MRPS35: variants seen among roughly 807,000 people sequenced by gnomAD.
MRPS35 encodes the protein small ribosomal subunit protein mS35.
Under a neutral mutation model 32.7 loss-of-function variants are expected in MRPS35, and 29 were observed. The ratio of observed to expected loss-of-function variants is 0.89; its 90% CI spans 0.66 to 1.21. MRPS35 has a LOEUF of 1.21. Ranked by LOEUF, MRPS35 falls within the 50% of genes most tolerant of loss-of-function variation. The probability of loss-of-function intolerance (pLI) is 0.00; values close to 1 mark genes in which losing one functional copy is unlikely to be tolerated. For synonymous variants in MRPS35, 148 were observed against 139.3 expected, an observed-to-expected ratio of 1.06 and a Z score of -0.44; for missense variants, 373 against 383.8, an observed-to-expected ratio of 0.97 and a Z score of 0.23.
At chr12:27,733,946 G>A (rs2061932235) in intron 5 of MRPS35, among the ~76,000 whole-genome samples, 2 of 152,150 alleles carry the variant, frequency 1.3e-5, no homozygotes. Flanking sequence ...TTTGTTGCAT[G>A]CATTTTAAGT....
chr12:27,746,653 G>A (rs759036356), intron 7 of MRPS35, among the ~76,000 whole-genome samples: 1 of 152,172 alleles, frequency 6.6e-6, no homozygotes, highest in African/African-American at 2.4e-5. Flanking sequence ...AAGGTGACAA[G>A]CTCATACCTT....
In MRPS35 at chr12:27,714,534, C is replaced by T. The variant is rs893171049; in HGVS notation, c.113-246C>T. 4.0e-5 allele frequency among the ~76,000 whole-genome samples: 6 copies of T among 148,828 alleles called. No homozygotes were observed. The Admixed American group carries it at 4.1e-4, about 10-fold the overall frequency. On this transcript the variant is annotated intron_variant, in intron 1 of 7. Coordinates refer to ENST00000081029, the MANE Select transcript of MRPS35 (RefSeq NM_021821.4). ...TCCGGAGGTAGAGGTTGCAGTGAGC[C>T]GAGATCACACCACTGCAATCCAATC...
At position 27,755,915 on chromosome 12, in the gene MRPS35, G is replaced by A. The variant is rs560362493; in HGVS notation, c.*465G>A. ...GCATTTTTCACATTTGTCAACTCTG[G>A]TTAGAAACAGGTCCTCAGGAGTATT... On this transcript the variant is annotated 3_prime_UTR_variant, in exon 8 of 8. Transcript: ENST00000081029. 6.6e-6 allele frequency: 1 copy of A among 152,666 alleles called. No individual in the cohort carries two copies. The highest frequency in any genetic ancestry group is 2.4e-5 in the African/African-American group (1 of 41,570). 9.5% of individuals were successfully genotyped at this position (152,666 alleles called of 1,614,324 possible).
At chr12:27,715,526 G>C (rs1315432236) in intron 2 of MRPS35, among the ~76,000 whole-genome samples, 1 of 152,196 alleles carries the variant, frequency 6.6e-6, no homozygotes, top group Non-Finnish European at 1.5e-5. Context: ...TACTTCTATG[G>C]AGGAATCTAA....
chr12:27,726,884 G>A (rs1448559463), intron 5 of MRPS35, among the ~76,000 whole-genome samples: 2 of 151,202 alleles, frequency 1.3e-5, no homozygotes, highest in Non-Finnish European at 2.9e-5. Flanking sequence ...ACCAGTCCCA[G>A]TCCCTTCTCA....
chr12:27,732,725 TG>T (rs2061926525), intron 5 of MRPS35, among the ~76,000 whole-genome samples: 1 of 152,176 alleles, frequency 6.6e-6, no homozygotes, highest in African/African-American at 2.4e-5. Flanking sequence ...ACTTCAAAAG[TG>T]CTTTATTCTA....
intron 2 of MRPS35, 70 bp from the exon 3 acceptor site, chr12:27,716,221 A>C: frequency 1.5e-6 from 2 of 1,371,508 alleles, no homozygotes; most frequent in Non-Finnish European, 9.6e-7. Flanking sequence ...TTTTGCTTTA[A>C]AATTAAAATT....
At chr12:27,720,476 A>G (rs2061869306) in intron 4 of MRPS35, among the ~76,000 whole-genome samples, 2 of 152,072 alleles carry the variant, frequency 1.3e-5, no homozygotes, top group East Asian at 1.9e-4. Flanking sequence ...GAGAAGAATT[A>G]TCTTGAAGAA....
Position 27,710,960 on chromosome 12 carries a change from G to C in MRPS35, c.112+5G>C. The C allele has an allele frequency of 1.2e-6, 2 of 1,611,194 alleles. No individual in the cohort carries two copies. The highest frequency in any genetic ancestry group is 1.7e-6 in the Non-Finnish European group (2 of 1,178,756). The stretch of plus-strand genomic sequence containing the variant: ...CGGTCCCGACACCTAGCCTGCGTGA[G>C]TGTCTGTCTCGTCTTCTCTGGGCTT... On this transcript the variant is annotated splice_donor_5th_base_variant and intron_variant, in intron 1 of 7. Transcript: ENST00000081029.
At chr12:27,748,124 C>T (rs893419902) in intron 7 of MRPS35, among the ~76,000 whole-genome samples, 3 of 152,208 alleles carry the variant, frequency 2.0e-5, no homozygotes, top group Non-Finnish European at 2.9e-5. Context: ...TCTCATTGGC[C>T]TTCATTCATT....
At position 27,755,387 on chromosome 12, in the gene MRPS35, G is replaced by A; in HGVS notation, c.909G>A (p.Glu303=). The A allele has an allele frequency of 1.3e-6, 2 of 1,597,916 alleles. No individual in the cohort carries two copies. Among genetic ancestry groups the A allele is most frequent in the South Asian group, 1.2e-5 (1 of 85,992 alleles). ...KKSVVSLKNE[E]ENENSISQYK... is the part of the protein sequence containing the mutation. ...CTGTTGTTAGTCTTAAAAATGAGGA[G>A]GAAAATGAAAATTCCATTTCTCAGT... Residue 303 remains glutamate (E), a synonymous_variant, in exon 8 of 8, where the codon GAG becomes GAA. Transcript: ENST00000081029.
chr12:27,755,644 G>C lies in MRPS35; in HGVS notation c.*194G>C. 1 of 406,460 alleles carries C rather than the reference G, an allele frequency of 2.5e-6. No individual in the cohort carries two copies. The highest frequency in any genetic ancestry group is 4.2e-5 in the East Asian group (1 of 23,902). The allele number at this position is 406,460 out of a possible 1,614,324, so 25.2% of individuals were successfully genotyped here. On this transcript the variant is annotated 3_prime_UTR_variant, in exon 8 of 8. Transcript: ENST00000081029. ...ATTTTTACACTGGGGCAATAGACTA[G>C]GAGGTCTCTGATTTCTTCTTGGTCT... is the stretch of plus-strand genomic sequence containing the variant.
intron 5 of MRPS35, among the ~76,000 whole-genome samples, chr12:27,725,163 C>T (rs148763655): frequency 6.6e-6 from 1 of 152,166 alleles, no homozygotes; most frequent in Non-Finnish European, 1.5e-5. Flanking sequence ...GATCTTCCCA[C>T]TTCCGCCTCC....
At chr12:27,716,134 T>C (rs2061849421) in intron 2 of MRPS35, among the ~76,000 whole-genome samples, 157 bp from the exon 3 acceptor site, 1 of 152,168 alleles carries the variant, frequency 6.6e-6, no homozygotes, top group African/African-American at 2.4e-5. Context: ...TTTTTAAAAT[T>C]TGGACAGCAG....
At chr12:27,735,656 G>T (rs2140771993) in intron 6 of MRPS35, 100 bp downstream of exon 6, 1 of 834,672 alleles carries the variant, frequency 1.2e-6, no homozygotes, top group South Asian at 1.5e-5. Flanking sequence ...GAAGATGGGG[G>T]AGGGCGTAGC....
At chr12:27,718,475 C>T (rs1417196431) in intron 3 of MRPS35, among the ~76,000 whole-genome samples, 3 of 152,168 alleles carry the variant, frequency 2.0e-5, no homozygotes, top group Non-Finnish European at 4.4e-5. Context: ...CGTGGAGTAA[C>T]TTTCGGCTTG....
intron 1 of MRPS35, among the ~76,000 whole-genome samples, chr12:27,712,005 G>A (rs933217786): frequency 4.0e-5 from 6 of 151,654 alleles, no homozygotes; most frequent in African/African-American, 1.5e-4. Context: ...AACTAAATAA[G>A]ATGTCAGATA....
rs1209953948 is a variant in MRPS35 at position 27,737,542 on chromosome 12, C to T, written c.636C>T (p.Cys212=). ...TDVLTIKTDR[C]PLRRQNYDYA... is the part of the protein sequence containing the mutation. The stretch of plus-strand genomic sequence containing the variant: ...TCTCCCGCTTTCTCTTTAATAGGTG[C>T]CCTTTAAGGAGGCAGAATTACGATT... Residue 212 remains cysteine (C), a synonymous_variant, in exon 7 of 8, where the codon TGC becomes TGT. Transcript: ENST00000081029. The T allele has an allele frequency of 6.2e-7, 1 of 1,611,906 alleles. No individual in the cohort carries two copies. Among genetic ancestry groups the T allele is most frequent in the Non-Finnish European group, 8.5e-7 (1 of 1,178,592 alleles).
chr12:27,716,413 A>T lies in MRPS35; in HGVS notation c.276A>T (p.Lys92Asn). The T allele has an allele frequency of 6.2e-7, 1 of 1,614,162 alleles. No individual in the cohort carries two copies. The highest frequency in any genetic ancestry group is 8.5e-7 in the Non-Finnish European group (1 of 1,180,024). The change falls in exon 3 of 8, where the codon AAA (lysine) becomes AAT (asparagine). Residue 92 changes from lysine (K) to asparagine (N), a missense_variant. Transcript: ENST00000081029. ...PLPVRMGYPV[K>N]KGVPMAKEGN... Reference sequence around the variant, plus strand: ...CTGTTCGAATGGGTTATCCAGTAAAAAAGGGCGTGCCCATGGCAAAGGAGG... The same window carrying T: ...CTGTTCGAATGGGTTATCCAGTAAATAAGGGCGTGCCCATGGCAAAGGAGG...
Sources: gnomAD v4.1 joint callset for allele counts (sites outside exome capture counted in the v4.1 genomes callset) on GRCh38, gnomAD v4.1.1 for gene constraint, MANE v1.5 for transcripts, NCBI Gene and HGNC (gene_info 2026-07-23, HGNC 2026-07-21) for gene names.